RSRC1: variants seen among roughly 807,000 people sequenced by gnomAD.
RSRC1 encodes serine/Arginine-related protein 53.
RSRC1 carries 39 observed loss-of-function variants against 49.1 expected under a neutral mutation model. That is an observed-to-expected ratio of 0.79 (90% CI 0.61 to 1.04). RSRC1 has a LOEUF of 1.04. Among genes scored for constraint, RSRC1 ranks in the 50% least tolerant of loss-of-function variants. The pLI is 0.00. For missense variants in RSRC1, 388 were observed against 402.4 expected, an observed-to-expected ratio of 0.96 and a Z score of 0.31; for synonymous variants, 143 against 130.8, an observed-to-expected ratio of 1.09 and a Z score of -0.63.
chr3:158,515,353 T>G (rs1026139389), intron 7 of RSRC1, among the ~76,000 whole-genome samples: 6 of 127,146 alleles, frequency 4.7e-5, no homozygotes, highest in Admixed American at 8.1e-5. Flanking sequence ...CTCCTTCACC[T>G]ATGAAGCTTA....
chr3:158,281,749 G>A (rs1726184314), intron 4 of RSRC1, among the ~76,000 whole-genome samples: 1 of 152,174 alleles, frequency 6.6e-6, no homozygotes, highest in South Asian at 2.1e-4. Context: ...TGATAAAGTA[G>A]ACTTTGGATT....
chr3:158,517,085 C>G (rs1014077687), intron 7 of RSRC1, among the ~76,000 whole-genome samples: 4 of 152,216 alleles, frequency 2.6e-5, no homozygotes, highest in South Asian at 4.1e-4. Context: ...GAGCCATAGA[C>G]CAGAGCTGTT....
intron 6 of RSRC1, among the ~76,000 whole-genome samples, chr3:158,445,036 A>G (rs1349606709): frequency 1.3e-5 from 2 of 152,144 alleles, no homozygotes; most frequent in Non-Finnish European, 2.9e-5. Context: ...AGAAATAGGA[A>G]CACTTTTACA....
intron 3 of RSRC1, among the ~76,000 whole-genome samples, chr3:158,151,641 C>G (rs1342106950): frequency 6.6e-6 from 1 of 152,094 alleles, no homozygotes; most frequent in Non-Finnish European, 1.5e-5. Flanking sequence ...GTGGTAGGTC[C>G]TGTGCTGCGC....
intron 6 of RSRC1, among the ~76,000 whole-genome samples, chr3:158,441,763 G>A (rs929842603): frequency 1.3e-5 from 2 of 152,056 alleles, no homozygotes; most frequent in Non-Finnish European, 2.9e-5. Context: ...AAATTGACAC[G>A]ATTGTGAGGA....
chr3:158,134,536 T>G (rs1716238084), intron 3 of RSRC1, among the ~76,000 whole-genome samples: 1 of 152,240 alleles, frequency 6.6e-6, no homozygotes, highest in Non-Finnish European at 1.5e-5. Flanking sequence ...TTAGTCATTT[T>G]GAATAGCAAA....
At chr3:158,121,645 A>G (rs575846430) in intron 1 of RSRC1, among the ~76,000 whole-genome samples, 1 of 152,308 alleles carries the variant, frequency 6.6e-6, no homozygotes, top group African/African-American at 2.4e-5. Context: ...ATAGTAAAAT[A>G]TATTTTGTCA....
chr3:158,144,389 G>GT (rs1242630298), intron 3 of RSRC1, among the ~76,000 whole-genome samples: 5 of 152,100 alleles, frequency 3.3e-5, no homozygotes, highest in South Asian at 2.1e-4. Context: ...GCAGTGTTTG[G>GT]TTTTTTGTCC....
At chr3:158,456,309 G>GTT (rs74491157) in intron 6 of RSRC1, among the ~76,000 whole-genome samples, 2,736 of 140,612 alleles carry the variant, frequency 0.019, 77 homozygotes, top group African/African-American at 0.067. Context: ...TTACGTGAGG[G>GTT]TTTTTTTTTT....
At chr3:158,238,898 A>G (rs6797351) in intron 4 of RSRC1, among the ~76,000 whole-genome samples, 7,745 of 152,296 alleles carry the variant, frequency 0.051, 270 homozygotes, top group Non-Finnish European at 0.074. Context: ...ACTTCTGCAC[A>G]GCAAAAGAAA....
At chr3:158,516,833 T>C (rs908148186) in intron 7 of RSRC1, among the ~76,000 whole-genome samples, 1 of 152,202 alleles carries the variant, frequency 6.6e-6, no homozygotes, top group African/African-American at 2.4e-5. Flanking sequence ...AAAAGTGCGG[T>C]ATTCAGGTGG....
intron 6 of RSRC1, among the ~76,000 whole-genome samples, chr3:158,360,025 A>C (rs1290148448): frequency 6.6e-6 from 1 of 151,954 alleles, no homozygotes; most frequent in African/African-American, 2.4e-5. Context: ...CTCAGCAGAG[A>C]GGGTAGCTCC....
intron 6 of RSRC1, among the ~76,000 whole-genome samples, chr3:158,393,355 C>CAA (rs1377384893): frequency 2.0e-5 from 3 of 151,510 alleles, no homozygotes; most frequent in South Asian, 2.1e-4. Context: ...CACACACACA[C>CAA]AAAAAATCAT....
intron 4 of RSRC1, among the ~76,000 whole-genome samples, chr3:158,296,018 C>T (rs1334965642): frequency 1.3e-5 from 2 of 152,068 alleles, no homozygotes; most frequent in Admixed American, 6.6e-5. Flanking sequence ...CTGCTGGCAC[C>T]ATTGTATGAC....
chr3:158,530,334 C>T (rs2108499232), intron 7 of RSRC1, among the ~76,000 whole-genome samples: 1 of 151,962 alleles, frequency 6.6e-6, no homozygotes, highest in East Asian at 1.9e-4. Flanking sequence ...ATTTTTGTGG[C>T]TTGCTTTTTC....
chr3:158,375,333 G>A (rs1285981669), intron 6 of RSRC1, among the ~76,000 whole-genome samples: 2 of 151,122 alleles, frequency 1.3e-5, no homozygotes, highest in Non-Finnish European at 2.9e-5. Flanking sequence ...GGGTAGCTGG[G>A]ACCACAGGCA....
chr3:158,176,837 C>T (rs542563251), intron 3 of RSRC1, among the ~76,000 whole-genome samples: 2 of 152,296 alleles, frequency 1.3e-5, no homozygotes, highest in South Asian at 4.1e-4. Context: ...GCAAAAGAAA[C>T]TACCATTAGA....
At chr3:158,265,819 C>G (rs529751105) in intron 4 of RSRC1, among the ~76,000 whole-genome samples, 5 of 152,116 alleles carry the variant, frequency 3.3e-5, no homozygotes, top group African/African-American at 1.2e-4. Context: ...AGATTTTCTT[C>G]TAGTAGTTTC....
intron 3 of RSRC1, among the ~76,000 whole-genome samples, chr3:158,178,625 G>A (rs984908325): frequency 2.6e-5 from 4 of 151,970 alleles, no homozygotes; most frequent in Non-Finnish European, 5.9e-5. Context: ...CTGTTTTTCT[G>A]GCTATTCTTG....
Sources: gnomAD v4.1 joint callset for allele counts (sites outside exome capture counted in the v4.1 genomes callset) on GRCh38, gnomAD v4.1.1 for gene constraint, MANE v1.5 for transcripts, NCBI Gene and HGNC (gene_info 2026-07-23, HGNC 2026-07-21) for gene names.